The following DPYSL2 variants were observed in gnomAD, a reference collection of about 807,000 sequenced individuals.
The protein encoded by DPYSL2 is dihydropyrimidinase like 2.
In DPYSL2, 13 loss-of-function variants were observed where a neutral mutation model predicts 69.9. The ratio of observed to expected loss-of-function variants is 0.19; its 90% CI spans 0.12 to 0.30. The LOEUF (loss-of-function observed/expected upper bound fraction) is 0.30. DPYSL2 is among the 10% of genes least tolerant of loss of function. DPYSL2 has a pLI of 1.00. For synonymous variants in DPYSL2, 326 were observed against 359.1 expected, an observed-to-expected ratio of 0.91 and a Z score of 1.04; for missense variants, 587 against 918.9, an observed-to-expected ratio of 0.64 and a Z score of 4.67.
rs1353332959 is a variant in DPYSL2 at position 26,626,078 on chromosome 8, C to T, written c.794-539C>T. ...TCTAGGGACCTCATACAAGTGGAAT[C>T]ATATAGTATTTGTCCTTTTGCAACT... On this transcript the variant is annotated intron_variant, in intron 4 of 13. Coordinates refer to ENST00000521913, the MANE Select transcript of DPYSL2 (RefSeq NM_001197293.3). The surrounding 1 kb of genome is among the most constrained non-coding windows in gnomAD (Gnocchi z 4.3). Among the ~76,000 whole-genome samples the T allele has an allele frequency of 2.0e-5, 3 of 152,322 alleles. No individual in the cohort carries two copies. Among genetic ancestry groups the T allele is most frequent in the Non-Finnish European group, 4.4e-5 (3 of 68,038 alleles).
chr8:26,655,634 C>T lies in DPYSL2; in HGVS notation c.1962C>T (p.Asn654=). 4 of 1,609,984 alleles carry T rather than the reference C, an allele frequency of 2.5e-6. No individual in the cohort carries two copies. Among genetic ancestry groups the T allele is most frequent in the Non-Finnish European group, 3.4e-6 (4 of 1,178,586 alleles). Reference sequence around the variant, plus strand: ...CTCCAGGTGCTCAGATTGATGACAACATTCCCCGCCGCACCACCCAGCGTA... The same window carrying T: ...CTCCAGGTGCTCAGATTGATGACAATATTCCCCGCCGCACCACCCAGCGTA... The part of the protein sequence containing the change: ...FSLSGAQIDD[N]IPRRTTQRIV... Residue 654 remains asparagine, a synonymous_variant, in exon 14 of 14, where the codon AAC becomes AAT. Coordinates refer to ENST00000521913, the MANE Select transcript of DPYSL2 (RefSeq NM_001197293.3).
Position 26,533,881 on chromosome 8 carries a change from G to A in DPYSL2, c.354+19202G>A, listed in dbSNP as rs1285392714. ...GAACCCAGTGACAGCCTAGTGACAA[G>A]AGGGTCTTAATTAATGCAACTGAAA... On this transcript the variant is annotated intron_variant, in intron 1 of 13. Coordinates refer to ENST00000521913, the MANE Select transcript of DPYSL2 (RefSeq NM_001197293.3). This position sits in a 1 kb window ranked among gnomAD's most constrained non-coding sequence, Gnocchi z 4.8. Among the ~76,000 whole-genome samples, 3 of 152,212 alleles carry A rather than the reference G, an allele frequency of 2.0e-5. No homozygotes were observed. Among genetic ancestry groups the A allele is most frequent in the Admixed American group, 1.3e-4 (2 of 15,282 alleles).
chr8:26,630,232 G>C (rs557891053), intron 7 of DPYSL2, among the ~76,000 whole-genome samples: 7 of 152,292 alleles, frequency 4.6e-5, no homozygotes, highest in African/African-American at 1.7e-4. Flanking sequence ...GCAAGGGTTC[G>C]TTTCTGTGGT....
At chr8:26,589,054 G>A (rs990601678) in intron 3 of DPYSL2, among the ~76,000 whole-genome samples, 1 of 152,056 alleles carries the variant, frequency 6.6e-6, no homozygotes, top group Non-Finnish European at 1.5e-5. Context: ...TCATTGTGCC[G>A]CCTTCTTCCT....
At chr8:26,522,748 G>A (rs1808409253) in intron 1 of DPYSL2, among the ~76,000 whole-genome samples, 1 of 151,950 alleles carries the variant, frequency 6.6e-6, no homozygotes, top group South Asian at 2.1e-4. Flanking sequence ...TAGATACTAG[G>A]CCCTTATCAG....
rs561413311 is a variant in DPYSL2 at position 26,571,382 on chromosome 8, G to A, written c.355-10587G>A. Among the ~76,000 whole-genome samples the A allele has an allele frequency of 2.0e-5, 3 of 152,202 alleles. No individual in the cohort carries two copies. Among genetic ancestry groups the A allele is most frequent in the Non-Finnish European group, 4.4e-5 (3 of 67,996 alleles). On this transcript the variant is annotated intron_variant, in intron 1 of 13. Coordinates refer to ENST00000521913, the MANE Select transcript of DPYSL2 (RefSeq NM_001197293.3). This position sits in a 1 kb window ranked among gnomAD's most constrained non-coding sequence, Gnocchi z 6.1. ...CCTGCCCTGGCTTGGAGACCAGCAC[G>A]CAGGGGACCACGTGCACACTCTTTG...
intron 13 of DPYSL2, 97 bp from the exon 14 acceptor site, chr8:26,655,518 C>A: frequency 2.7e-6 from 3 of 1,100,238 alleles, no homozygotes; most frequent in Non-Finnish European, 3.8e-6. Flanking sequence ...ATGCGACTAG[C>A]ACTTTTCCTC....
chr8:26,633,921 A>AGAGCCCTGTGAGGCTGCATTGTT (rs1802840820), intron 7 of DPYSL2, among the ~76,000 whole-genome samples: 2 of 152,260 alleles, frequency 1.3e-5, no homozygotes, highest in Admixed American at 6.5e-5. Context: ...CTCCGTTCCT[A>AGAGCCCTGTGAGGCTGCATTGTT]GAGCCCTGTG....
At position 26,581,230 on chromosome 8, in the gene DPYSL2, G is replaced by A. The variant is rs114924666; in HGVS notation, c.355-739G>A. Reference sequence around the variant, plus strand: ...CCAGTGTATTTGTGTGGTATATCCCGTGACAGCAGACTTTTTGGTCAATTG... The same window carrying A: ...CCAGTGTATTTGTGTGGTATATCCCATGACAGCAGACTTTTTGGTCAATTG... On this transcript the variant is annotated intron_variant, in intron 1 of 13. Transcript: ENST00000521913. 8.1e-4 allele frequency among the ~76,000 whole-genome samples: 123 copies of A among 152,242 alleles called. 1 individual carries two copies. Among genetic ancestry groups the A allele is most frequent in the African/African-American group, 2.8e-3 (117 of 41,552 alleles).
intron 1 of DPYSL2, among the ~76,000 whole-genome samples, chr8:26,530,852 A>G (rs746519993): frequency 2.8e-4 from 42 of 152,196 alleles, no homozygotes; most frequent in South Asian, 8.3e-4. Flanking sequence ...AGTGGGTATC[A>G]TGACCAGTTC....
rs538528722 is a variant in DPYSL2, at chr8:26,533,481, A to G, written c.354+18802A>G. Among the ~76,000 whole-genome samples, 23 of 152,116 alleles carry G rather than the reference A, an allele frequency of 1.5e-4. No homozygotes were observed. In the South Asian group the frequency reaches 4.6e-3, roughly 30 times the overall value. On this transcript the variant is annotated intron_variant, in intron 1 of 13. Transcript: ENST00000521913. The surrounding 1 kb of genome is among the most constrained non-coding windows in gnomAD (Gnocchi z 4.8). Reference sequence around the variant, plus strand: ...GACTTACCCCTGTGTTTTCTCCTGGATGTTTCATAGTTTTTGCTTTTACCT... The same window carrying G: ...GACTTACCCCTGTGTTTTCTCCTGGGTGTTTCATAGTTTTTGCTTTTACCT...
chr8:26,589,661 A>G (rs534288894), intron 3 of DPYSL2, among the ~76,000 whole-genome samples: 4 of 152,300 alleles, frequency 2.6e-5, no homozygotes, highest in Admixed American at 2.6e-4. Flanking sequence ...AGATCTGGTC[A>G]TGGTGGGGGA....
chr8:26,630,930 C>T (rs1301935064), intron 7 of DPYSL2, among the ~76,000 whole-genome samples: 1 of 152,196 alleles, frequency 6.6e-6, no homozygotes, highest in East Asian at 1.9e-4. Context: ...GCCAGTCCCT[C>T]TGCCTGCCAT....
intron 1 of DPYSL2, among the ~76,000 whole-genome samples, chr8:26,556,009 T>A (rs1389949435): frequency 2.7e-5 from 2 of 75,214 alleles, no homozygotes; most frequent in Admixed American, 2.2e-4. Context: ...TAGTATATAT[T>A]ATATATATAA....
chr8:26,636,230 G>C (rs1383713941), intron 8 of DPYSL2, among the ~76,000 whole-genome samples: 4 of 152,226 alleles, frequency 2.6e-5, no homozygotes, highest in Non-Finnish European at 5.9e-5. Context: ...TTTTCTAGGA[G>C]ATATTGTGGA....
In DPYSL2 at chr8:26,586,261, T is replaced by G. The variant is rs570402442; in HGVS notation, c.628+2278T>G. Among the ~76,000 whole-genome samples the G allele has an allele frequency of 6.6e-6, 1 of 152,214 alleles. No individual in the cohort carries two copies. The highest frequency in any genetic ancestry group is 1.5e-5 in the Non-Finnish European group (1 of 68,036). ...TGAGTCACTACCCTACTCTGTGTTC[T>G]AGCTGTGTGTCTCCAGTGAGGGATT... On this transcript the variant is annotated intron_variant, in intron 3 of 13. Coordinates refer to ENST00000521913, the MANE Select transcript of DPYSL2 (RefSeq NM_001197293.3). The surrounding 1 kb of genome is among the most constrained non-coding windows in gnomAD (Gnocchi z 4.7).
At chr8:26,556,888 G>T (rs1800996531) in intron 1 of DPYSL2, among the ~76,000 whole-genome samples, 1 of 152,154 alleles carries the variant, frequency 6.6e-6, no homozygotes, top group Non-Finnish European at 1.5e-5. Context: ...ACAGATCAAG[G>T]GAAGAGAGCA....
intron 8 of DPYSL2, among the ~76,000 whole-genome samples, chr8:26,635,494 G>A (rs571480526): frequency 3.9e-5 from 6 of 152,100 alleles, no homozygotes; most frequent in African/African-American, 4.8e-5. Context: ...GCCCCATGAG[G>A]CACCTCATGC....
intron 3 of DPYSL2, among the ~76,000 whole-genome samples, chr8:26,589,565 C>A (rs530279632): frequency 1.9e-4 from 29 of 152,322 alleles, no homozygotes; most frequent in South Asian, 6.2e-4. Flanking sequence ...AGGTATCCGA[C>A]GTGGACTGTG....
Sources: gnomAD v4.1 joint callset for allele counts (sites outside exome capture counted in the v4.1 genomes callset) on GRCh38, gnomAD v4.1.1 for gene constraint, Gnocchi (gnomAD v3.1) non-coding constraint, MANE v1.5 for transcripts, NCBI Gene and HGNC (gene_info 2026-07-23, HGNC 2026-07-21) for gene names.